Variants in CFHR4 observed in about 807,000 individuals in gnomAD.
The protein encoded by CFHR4 is complement factor H-related protein 4.
Under a neutral mutation model 69.3 loss-of-function variants are expected in CFHR4, and 64 were observed. The observed-to-expected ratio is 0.92, with a 90% CI of 0.76 to 1.14. CFHR4 has a LOEUF of 1.14. CFHR4 is among the 50% of genes most tolerant of loss of function. CFHR4 has a pLI of 0.00. For synonymous variants in CFHR4, 244 were observed against 237.0 expected (o/e 1.03, Z -0.27); for missense variants, 636 against 684.9 (o/e 0.93, Z 0.80).
intron 6 of CFHR4, among the ~76,000 whole-genome samples, chr1:196,911,278 CACTT>C: frequency 6.6e-6 from 1 of 151,464 alleles, no homozygotes; most frequent in East Asian, 1.9e-4. Context: ...TGGATTCTGT[CACTT>C]AGTAGTCAAG....
chr1:196,900,659 A>G (rs1159322179), intron 1 of CFHR4, among the ~76,000 whole-genome samples: 1 of 151,418 alleles, frequency 6.6e-6, no homozygotes, highest in Non-Finnish European at 1.5e-5. Context: ...AGCTTGTCCA[A>G]GGTGGAATTA....
chr1:196,918,466 AG>A lies in CFHR4; in HGVS notation c.*61del. Reference sequence around the variant, plus strand: ...CCACTTCTCACTCTTATGGTCTCAAAGCTTGCAAAGATAGCTTCTGATATTG... The same window carrying A: ...CCACTTCTCACTCTTATGGTCTCAAACTTGCAAAGATAGCTTCTGATATTG... On this transcript the variant is annotated 3_prime_UTR_variant, in exon 10 of 10. Transcript: ENST00000608469. 6.8e-7 allele frequency: 1 copy of A among 1,471,462 alleles called. No individual in the cohort carries two copies. The allele number at this position is 1,471,462 out of a possible 1,614,324, so 91.2% of individuals were successfully genotyped here. A position where few individuals can be genotyped will look rare whatever the true frequency, so the allele number is the denominator to read the frequency against.
In CFHR4 at chr1:196,895,541, A is replaced by G. The variant is rs531874144; in HGVS notation, c.59-6877A>G. Among the ~76,000 whole-genome samples, 50 of 151,510 alleles carry G rather than the reference A, an allele frequency of 3.3e-4. 1 individual carries two copies. Among genetic ancestry groups the G allele is most frequent in the Admixed American group, 9.2e-4 (14 of 15,218 alleles). On this transcript the variant is annotated intron_variant, in intron 1 of 9. Coordinates refer to ENST00000608469, the MANE Select transcript of CFHR4 (RefSeq NM_001201550.3). ...GTTAATTCTTTCATCTGCCTGCTCT[A>G]CTATGCCTCTGAATCTCTTTTTTGA...
chr1:196,918,431 T>C lies in CFHR4; in HGVS notation c.*25T>C. The C allele has an allele frequency of 6.3e-7, 1 of 1,589,734 alleles. No individual in the cohort carries two copies. The highest frequency in any genetic ancestry group is 8.6e-7 in the Non-Finnish European group (1 of 1,159,628). On this transcript the variant is annotated 3_prime_UTR_variant, in exon 10 of 10. Transcript: ENST00000608469. ...AGGCAGCATTGTTACCCTAAATGTATGTCCAACTTCCACTTCTCACTCTTA... is the reference window on the plus strand; with the variant it reads ...AGGCAGCATTGTTACCCTAAATGTACGTCCAACTTCCACTTCTCACTCTTA...
chr1:196,917,089 G>C (rs1658681405), intron 9 of CFHR4, among the ~76,000 whole-genome samples: 16 of 151,468 alleles, frequency 1.1e-4, no homozygotes, highest in Admixed American at 8.6e-4. Flanking sequence ...AAAATTTTTT[G>C]GATCTCAAAA....
chr1:196,904,943 T>G lies in CFHR4; in HGVS notation c.257-165T>G, dbSNP rs185612082. On this transcript the variant is annotated intron_variant, in intron 2 of 9. Coordinates refer to ENST00000608469, the MANE Select transcript of CFHR4 (RefSeq NM_001201550.3). ...TGCCCTTCCCTGTGTTTTCACTATT[T>G]TCTTTCAAAATTCACAGATGTCTAG... 6.8e-3 allele frequency among the ~76,000 whole-genome samples: 1,033 copies of G among 151,736 alleles called. 44 individuals are homozygous for G. Among genetic ancestry groups the G allele is most frequent in the African/African-American group, 0.024 (990 of 41,236 alleles).
At chr1:196,916,305 C>T (rs1385778104) in intron 9 of CFHR4, among the ~76,000 whole-genome samples, 1 of 151,770 alleles carries the variant, frequency 6.6e-6, no homozygotes, top group Non-Finnish European at 1.5e-5. Context: ...GGATACCCAT[C>T]AGTCCTTGCA....
At position 196,905,796 on chromosome 1, in the gene CFHR4, C is replaced by T. The variant is rs143421348; in HGVS notation, c.439+506C>T. On this transcript the variant is annotated intron_variant, in intron 3 of 9. Transcript: ENST00000608469. ...GAGAACCAACTCAAAAAATTATTTC[C>T]AGCTTATTGTCTAGTACAGAGAAAA... Among the ~76,000 whole-genome samples, 278 of 151,380 alleles carry T rather than the reference C, an allele frequency of 1.8e-3. 10 individuals carry two copies. The highest frequency in any genetic ancestry group is 6.6e-3 in the African/African-American group (271 of 41,120).
chr1:196,912,730 T>C lies in CFHR4; in HGVS notation c.998-10T>C. 1 of 1,569,630 alleles carries C rather than the reference T, an allele frequency of 6.4e-7. No individual in the cohort carries two copies. The highest frequency in any genetic ancestry group is 1.2e-5 in the South Asian group (1 of 82,448). ...AATATTTACTTTTTTCTCTACTTTT[T>C]CTATTTTAGGAACATGCTCAAAATC... On this transcript the variant is annotated splice_polypyrimidine_tract_variant and intron_variant, in intron 6 of 9. Coordinates refer to ENST00000608469, the MANE Select transcript of CFHR4 (RefSeq NM_001201550.3).
chr1:196,903,903 C>T lies in CFHR4; in HGVS notation c.257-1205C>T, dbSNP rs149731882. Among the ~76,000 whole-genome samples the T allele has an allele frequency of 8.5e-3, 1,288 of 151,532 alleles. 53 individuals are homozygous for T. The highest frequency in any genetic ancestry group is 0.03 in the African/African-American group (1,229 of 41,104). ...CTTATAGCTAATGCTCATGCTCTGT[C>T]GCTTTAAATGAAGACACATTCAGTT... is the stretch of plus-strand genomic sequence containing the variant. On this transcript the variant is annotated intron_variant, in intron 2 of 9. Coordinates refer to ENST00000608469, the MANE Select transcript of CFHR4 (RefSeq NM_001201550.3).
rs118117184 is a variant in CFHR4, at chr1:196,891,042, G to C, written c.58+2834G>C. 8.0e-4 allele frequency among the ~76,000 whole-genome samples: 121 copies of C among 151,548 alleles called. 6 individuals carry two copies. In the East Asian group the frequency reaches 0.022, roughly 27 times the overall value. On this transcript the variant is annotated intron_variant, in intron 1 of 9. Transcript: ENST00000608469. Reference sequence around the variant, plus strand: ...AAGTCGGGGAGATCACTTGAGGCCAGGAGTTTGGGACCAGCCTGGCCAACA... The same window carrying C: ...AAGTCGGGGAGATCACTTGAGGCCACGAGTTTGGGACCAGCCTGGCCAACA...
At position 196,915,978 on chromosome 1, in the gene CFHR4, A is replaced by G. The variant is rs189826310; in HGVS notation, c.1540+840A>G. On this transcript the variant is annotated intron_variant, in intron 9 of 9. Transcript: ENST00000608469. ...ACACTGAGAAGTTCTTTCTCTGATT[A>G]TTATTCTTACTTATATTTTATCAGT... 8.8e-3 allele frequency among the ~76,000 whole-genome samples: 1,340 copies of G among 151,744 alleles called. 52 individuals are homozygous for G. Among genetic ancestry groups the G allele is most frequent in the African/African-American group, 0.031 (1,276 of 41,254 alleles).
intron 5 of CFHR4, 93 bp from the exon 6 acceptor site, chr1:196,910,188 T>A: frequency 1.4e-6 from 1 of 714,518 alleles, no homozygotes; most frequent in Non-Finnish European, 2.1e-6. Context: ...AAAAACATTA[T>A]TTGGAAGGTA....
chr1:196,907,889 G>A (rs1275776823), intron 5 of CFHR4, among the ~76,000 whole-genome samples: 1 of 151,282 alleles, frequency 6.6e-6, no homozygotes, highest in Non-Finnish European at 1.5e-5. Flanking sequence ...AACCATGGAT[G>A]TGGAACCAAC....
intron 5 of CFHR4, 74 bp downstream of exon 5, chr1:196,907,572 T>G: frequency 1.6e-6 from 2 of 1,278,558 alleles, no homozygotes; most frequent in Non-Finnish European, 2.2e-6. Context: ...TACTAAAATT[T>G]TTATGGGTTA....
chr1:196,888,282 C>T, intron 1 of CFHR4, 74 bp downstream of exon 1: 3 of 1,451,832 alleles, frequency 2.1e-6, no homozygotes, highest in East Asian at 2.3e-5. Context: ...CTTCATATGT[C>T]TATAATTTTT....
intron 6 of CFHR4, among the ~76,000 whole-genome samples, chr1:196,910,684 A>G (rs573190230): frequency 5.3e-5 from 8 of 151,592 alleles, no homozygotes; most frequent in Admixed American, 5.3e-4. Context: ...TTATGAGAAT[A>G]CCTATATAAT....
rs1217864798 is a variant in CFHR4, at chr1:196,900,285, C to G, written c.59-2133C>G. 1.4e-5 allele frequency among the ~76,000 whole-genome samples: 2 copies of G among 147,560 alleles called. 1 individual carries two copies. The highest frequency in any genetic ancestry group is 5.0e-5 in the African/African-American group (2 of 39,690). On this transcript the variant is annotated intron_variant, in intron 1 of 9. Transcript: ENST00000608469. Reference sequence around the variant, plus strand: ...TAGAATGAGGCTGCTCTAAGTTCTGCTGACTTCAGTGCCAATCAGATCATA... The same window carrying G: ...TAGAATGAGGCTGCTCTAAGTTCTGGTGACTTCAGTGCCAATCAGATCATA...
chr1:196,907,470 A>T lies in CFHR4; in HGVS notation c.771A>T (p.Gly257=). The T allele has an allele frequency of 2.5e-6, 4 of 1,611,750 alleles. No individual in the cohort carries two copies. Among genetic ancestry groups the T allele is most frequent in the Non-Finnish European group, 3.4e-6 (4 of 1,178,864 alleles). The change falls in exon 5 of 10, where the codon GGA becomes GGT. Residue 257 remains glycine (G), a synonymous_variant. Coordinates refer to ENST00000608469, the MANE Select transcript of CFHR4 (RefSeq NM_001201550.3). Reference sequence around the variant, plus strand: ...CTAAATATGTAACATGTAGTAATGGAGACTGGTCAGAACCACCAAGATGCA... The same window carrying T: ...CTAAATATGTAACATGTAGTAATGGTGACTGGTCAGAACCACCAAGATGCA... ...QGSKYVTCSN[G]DWSEPPRCIS...
Sources: gnomAD v4.1 joint callset for allele counts (sites outside exome capture counted in the v4.1 genomes callset) on GRCh38, gnomAD v4.1.1 for gene constraint, MANE v1.5 for transcripts, NCBI Gene and HGNC (gene_info 2026-07-23, HGNC 2026-07-21) for gene names.